The following NCL variants were observed in gnomAD, a reference collection of about 807,000 sequenced individuals.
The protein encoded by NCL is nucleolin multifunctional protein.
In NCL, 4 loss-of-function variants were observed where a neutral mutation model predicts 77.7. That is an observed-to-expected ratio of 0.05 (90% CI 0.03 to 0.12). The LOEUF (loss-of-function observed/expected upper bound fraction) is 0.12. Among genes scored for constraint, NCL ranks in the 10% least tolerant of loss-of-function variants. The pLI is 1.00. For missense variants in NCL, 763 were observed against 860.9 expected, an observed-to-expected ratio of 0.89 and a Z score of 1.42; for synonymous variants, 344 against 297.8, an observed-to-expected ratio of 1.16 and a Z score of -1.60.
rs2046867291 is a variant in NCL, at chr2:231,454,846, C to CGAA, written c.*344_*345insTTC. ...CTTTTCTTTTACAACCCCACGAACGCAAAAAAAAAAAAAACAAAAACAAAA... is the reference window on the plus strand; with the variant it reads ...CTTTTCTTTTACAACCCCACGAACGCGAAAAAAAAAAAAAAAACAAAAACAAAA... On this transcript the variant is annotated 3_prime_UTR_variant, in exon 14 of 14. Coordinates refer to ENST00000322723, the MANE Select transcript of NCL (RefSeq NM_005381.3). 1 of 96,330 alleles carries CGAA rather than the reference C, an allele frequency of 1.0e-5. No homozygotes were observed. The highest frequency in any genetic ancestry group is 2.3e-5 in the Non-Finnish European group (1 of 44,126). 6.0% of individuals were successfully genotyped at this position (96,330 alleles called of 1,614,324 possible).
rs770093524 is a variant in NCL at position 231,460,420 on chromosome 2, T to C, written c.898+58A>G. 12 of 1,588,342 alleles carry C rather than the reference T, an allele frequency of 7.6e-6. No homozygotes were observed. The South Asian group carries it at 1.2e-4, about 16-fold the overall frequency. Reference sequence around the variant, plus strand: ...CATCAGGTTTCAGTATTAAGTCCCTTTGTTATTCATCATTTGTGCTGTTTA... The same window carrying C: ...CATCAGGTTTCAGTATTAAGTCCCTCTGTTATTCATCATTTGTGCTGTTTA... On this transcript the variant is annotated intron_variant, in intron 5 of 13. Coordinates refer to ENST00000322723, the MANE Select transcript of NCL (RefSeq NM_005381.3).
rs1400447056 is a variant in NCL at position 231,457,770 on chromosome 2, A to C, written c.1320T>G (p.Ala440=). The change falls in exon 9 of 14, where the codon GCT becomes GCG. Residue 440 remains alanine (A), a synonymous_variant. Coordinates refer to ENST00000322723, the MANE Select transcript of NCL (RefSeq NM_005381.3). The part of the protein sequence containing the change: ...GIAYIEFKTE[A]DAEKTFEEKQ... ...TTTCTTCAAAGGTTTTCTCTGCATCAGCTTCTGTCTTAAATTCAATATAAG... is the reference window on the plus strand; with the variant it reads ...TTTCTTCAAAGGTTTTCTCTGCATCCGCTTCTGTCTTAAATTCAATATAAG... The C allele has an allele frequency of 6.2e-7, 1 of 1,611,698 alleles. No individual in the cohort carries two copies.
At chr2:231,459,897 T>C (rs2046929773) in intron 6 of NCL, among the ~76,000 whole-genome samples, 2 of 151,968 alleles carry the variant, frequency 1.3e-5, no homozygotes, top group Non-Finnish European at 2.9e-5. Context: ...AAAGCCAGCG[T>C]CCGTCTCAAT....
At position 231,464,077 on chromosome 2, in the gene NCL, G is replaced by A. The variant is rs1367737319; in HGVS notation, c.18+259C>T. ...GTTTGGTCTCATCTCTCCACCCCGA[G>A]GCCCAGCGCCCCCTCCCCGCGCTCA... On this transcript the variant is annotated intron_variant, in intron 1 of 13. Coordinates refer to ENST00000322723, the MANE Select transcript of NCL (RefSeq NM_005381.3). 4 of 1,336,430 alleles carry A rather than the reference G, an allele frequency of 3.0e-6. No individual in the cohort carries two copies. In the East Asian group the frequency reaches 8.5e-5, roughly 28 times the overall value. 82.8% of individuals were successfully genotyped at this position (1,336,430 alleles called of 1,614,324 possible). A position where few individuals can be genotyped will look rare whatever the true frequency, so the allele number is the denominator to read the frequency against.
rs2046914802 is a variant in NCL at position 231,458,533 on chromosome 2, G to A, written c.1166-144C>T. 7 of 1,032,120 alleles carry A rather than the reference G, an allele frequency of 6.8e-6. No homozygotes were observed. The South Asian group carries it at 1.2e-4, about 17-fold the overall frequency. The allele number at this position is 1,032,120 out of a possible 1,614,324, so 63.9% of individuals were successfully genotyped here. On this transcript the variant is annotated intron_variant, in intron 7 of 13. Coordinates refer to ENST00000322723, the MANE Select transcript of NCL (RefSeq NM_005381.3). The stretch of plus-strand genomic sequence containing the variant: ...ATGTACAAGGCTCGGTGCTAAATAT[G>A]GAGATATAGCAGTGTCAACACACAA...
At chr2:231,458,764 T>A (rs1559541217) in intron 7 of NCL, 1 of 457,152 alleles carries the variant, frequency 2.2e-6, no homozygotes, top group Non-Finnish European at 3.8e-6. Flanking sequence ...ATAATTCTTG[T>A]TCTGTATAAA....
intron 11 of NCL, 164 bp downstream of exon 11, chr2:231,456,467 G>C (rs1298625397): frequency 7.9e-7 from 1 of 1,262,684 alleles, no homozygotes; most frequent in Non-Finnish European, 1.2e-6. Context: ...TGACTATCTA[G>C]AGGAATTTTC....
intron 10 of NCL, 89 bp from the exon 11 acceptor site, chr2:231,456,853 T>C (rs2046893896): frequency 6.4e-7 from 1 of 1,569,920 alleles, no homozygotes; most frequent in East Asian, 2.2e-5. Context: ...TTCTCTCAAG[T>C]TGGTACCTAA....
chr2:231,456,491 AATT>A (rs1559540238), intron 11 of NCL, 137 bp downstream of exon 11: 2 of 1,358,470 alleles, frequency 1.5e-6, no homozygotes, highest in South Asian at 1.2e-5. Context: ...AGATTTCATC[AATT>A]ATTTCTCAGG....
chr2:231,458,208 A>G, intron 8 of NCL, 58 bp downstream of exon 8: 4 of 1,576,614 alleles, frequency 2.5e-6, no homozygotes, highest in Non-Finnish European at 2.6e-6. Context: ...TTCTTTTATA[A>G]AGCAGGAAAG....
Position 231,454,937 on chromosome 2 carries a change from G to T in NCL, c.*254C>A. The T allele has an allele frequency of 2.7e-6, 1 of 370,408 alleles. No homozygotes were observed. 22.9% of individuals were successfully genotyped at this position (370,408 alleles called of 1,614,324 possible). ...GAAAAAATGGTTTTGTACATGGGAT[G>T]AAACAATATAAATTCAAAACTTACA... On this transcript the variant is annotated 3_prime_UTR_variant, in exon 14 of 14. Coordinates refer to ENST00000322723, the MANE Select transcript of NCL (RefSeq NM_005381.3).
chr2:231,459,552 C>T (rs937034715), intron 6 of NCL, among the ~76,000 whole-genome samples: 7 of 151,608 alleles, frequency 4.6e-5, no homozygotes, highest in African/African-American at 7.3e-5. Context: ...TACAGTGGCG[C>T]GAACTTGGCT....
intron 1 of NCL, chr2:231,463,757 G>A (rs1025661931): frequency 3.7e-5 from 6 of 164,138 alleles, no homozygotes; most frequent in South Asian, 1.4e-4. Context: ...GCCCCTTAAA[G>A]AGGCGGCGCG....
In NCL at chr2:231,460,299, C is replaced by CA. The variant is rs36009964; in HGVS notation, c.899-7dup. 4 of 1,612,834 alleles carry CA rather than the reference C, an allele frequency of 2.5e-6. No homozygotes were observed. Among genetic ancestry groups the CA allele is most frequent in the Admixed American group, 1.7e-5 (1 of 59,654 alleles). Reference sequence around the variant, plus strand: ...AGCCGTAGTCGGTTCTGTGCCTGCACAAAAAAAGCTCAACTCAGTCTACTT... The same window carrying CA: ...AGCCGTAGTCGGTTCTGTGCCTGCACAAAAAAAAGCTCAACTCAGTCTACTT... On this transcript the variant is annotated splice_polypyrimidine_tract_variant and splice_region_variant and intron_variant, in intron 5 of 13. Coordinates refer to ENST00000322723, the MANE Select transcript of NCL (RefSeq NM_005381.3).
chr2:231,458,813 A>T (rs1290098578), intron 7 of NCL, 188 bp downstream of exon 7: 1 of 596,376 alleles, frequency 1.7e-6, no homozygotes, highest in Admixed American at 4.0e-5. Flanking sequence ...TTACACTATA[A>T]CACTGACAAG....
chr2:231,460,765 C>T lies in NCL; in HGVS notation c.715G>A (p.Glu239Lys). 1 of 1,614,020 alleles carries T rather than the reference C, an allele frequency of 6.2e-7. No homozygotes were observed. Among genetic ancestry groups the T allele is most frequent in the Non-Finnish European group, 8.5e-7 (1 of 1,179,878 alleles). Reference protein sequence around the residue: ...AKNVAEDEDEEEDDEDEDDDD... With the variant: ...AKNVAEDEDEKEDDEDEDDDD... ...TCATCCTCGTCCTCATCATCCTCTT[C>T]TTCATCTTCATCCTCAGCCACGTTC... is the stretch of plus-strand genomic sequence containing the variant. Residue 239 changes from glutamate (E) to lysine (K), a missense_variant, in exon 4 of 14, where the codon GAA becomes AAA. Coordinates refer to ENST00000322723, the MANE Select transcript of NCL (RefSeq NM_005381.3).
intron 1 of NCL, 71 bp downstream of exon 1, chr2:231,464,265 T>TC (rs2046979485): frequency 9.8e-6 from 15 of 1,527,668 alleles, no homozygotes; most frequent in South Asian, 4.8e-5. Context: ...CAGGCCCTCC[T>TC]CCCCGCGGCG....
chr2:231,460,652 G>A lies in NCL; in HGVS notation c.811+17C>T. 6.2e-7 allele frequency: 1 copy of A among 1,614,078 alleles called. No homozygotes were observed. On this transcript the variant is annotated intron_variant, in intron 4 of 13. Coordinates refer to ENST00000322723, the MANE Select transcript of NCL (RefSeq NM_005381.3). ...TAAACATAACTCATGTCGTATGTCA[G>A]AATCTAATTTAAGTACCTTCCTCCT...
In NCL at chr2:231,461,638, G is replaced by A; in HGVS notation, c.515C>T (p.Pro172Leu). 6.2e-7 allele frequency: 1 copy of A among 1,608,248 alleles called. No individual in the cohort carries two copies. Among genetic ancestry groups the A allele is most frequent in the Non-Finnish European group, 8.5e-7 (1 of 1,174,644 alleles). The change falls in exon 3 of 14, where the codon CCA (proline) becomes CTA (leucine). Residue 172 changes from proline (P) to leucine (L), a missense_variant. Pro to Leu is a moderately conservative substitution (Grantham distance 98, BLOSUM62 -3). Around this residue, in one of 2 missense-constraint regions of NCL, gnomAD observed 590 missense variants for 570.5 expected, o/e 1.03. Transcript: ENST00000322723. Reference sequence around the variant, plus strand: ...AGCAGCTGCTGCTTTCATCGCTGCTGGTTCAATTTCATCTTCATCCTCATC... The same window carrying A: ...AGCAGCTGCTGCTTTCATCGCTGCTAGTTCAATTTCATCTTCATCCTCATC... ...DEDEDEDEIE[P>L]AAMKAAAAAP...
Sources: gnomAD v4.1 joint callset for allele counts (sites outside exome capture counted in the v4.1 genomes callset) on GRCh38, gnomAD v4.1.1 for gene constraint, gnomAD v4.1.1 regional missense constraint, MANE v1.5 for transcripts, NCBI Gene and HGNC (gene_info 2026-07-23, HGNC 2026-07-21) for gene names.